ZNF254: variants seen among roughly 807,000 people sequenced by gnomAD.
ZNF254 encodes CTD-2017D11.1.
ZNF254 carries 10 observed loss-of-function variants against 12.4 expected under a neutral mutation model. The ratio of observed to expected loss-of-function variants is 0.80; its 90% CI spans 0.50 to 1.36. The LOEUF (loss-of-function observed/expected upper bound fraction) is 1.36. Ranked by LOEUF, ZNF254 falls within the 40% of genes most tolerant of loss-of-function variation. The probability of loss-of-function intolerance (pLI) is 0.00; values close to 1 mark genes in which losing one functional copy is unlikely to be tolerated. For missense variants in ZNF254, 996 were observed against 763.9 expected, an observed-to-expected ratio of 1.30 and a Z score of -3.58; for synonymous variants, 305 against 253.4, an observed-to-expected ratio of 1.20 and a Z score of -1.93.
rs1412508783 is a variant in ZNF254 at position 24,126,362 on chromosome 19, A to G, written c.362A>G (p.Gln121Arg). 3.7e-6 allele frequency: 6 copies of G among 1,609,492 alleles called. No individual in the cohort carries two copies. In the African/African-American group the frequency reaches 4.0e-5, roughly 11 times the overall value. Reference sequence around the variant, plus strand: ...GGAAAATATGGACATGAGAATTTACAGTTAAGAAAAGGCTGTAAAAGTGTG... The same window carrying G: ...GGAAAATATGGACATGAGAATTTACGGTTAAGAAAAGGCTGTAAAAGTGTG... The part of the protein sequence containing the change: ...RYGKYGHENL[Q>R]LRKGCKSVDE... Residue 121 changes from glutamine (Q) to arginine (R), a missense_variant, in exon 4 of 4, where the codon CAG (glutamine) becomes CGG (arginine). Gln to Arg is a conservative substitution (Grantham distance 43, BLOSUM62 1). Coordinates refer to ENST00000357002, the MANE Select transcript of ZNF254 (RefSeq NM_203282.4).
At chr19:24,117,812 G>A (rs2145924149) in intron 3 of ZNF254, among the ~76,000 whole-genome samples, 1 of 151,974 alleles carries the variant, frequency 6.6e-6, no homozygotes, top group Non-Finnish European at 1.5e-5. Flanking sequence ...CTGTAGACCG[G>A]AGCTGTTCGT....
At chr19:24,057,955 T>C (rs1453314034) in intron 2 of ZNF254, among the ~76,000 whole-genome samples, 1 of 152,232 alleles carries the variant, frequency 6.6e-6, no homozygotes, top group East Asian at 1.9e-4. Flanking sequence ...CACTTCTGTC[T>C]AGCAGCTGAG....
Position 24,113,796 on chromosome 19 carries a change from A to C in ZNF254, c.253+7153A>C, listed in dbSNP as rs1259866376. Among the ~76,000 whole-genome samples, 6 of 152,328 alleles carry C rather than the reference A, an allele frequency of 3.9e-5. No individual in the cohort carries two copies. In the East Asian group the frequency reaches 1.2e-3, roughly 29 times the overall value. On this transcript the variant is annotated intron_variant, in intron 3 of 3. Coordinates refer to ENST00000357002, the MANE Select transcript of ZNF254 (RefSeq NM_203282.4). ...TATACCTAGAAAACCCCATTGTCTC[A>C]ACCCAAAATCTCCTTAAGCTGATAA...
chr19:24,101,476 T>G (rs1433824259), intron 1 of ZNF254, among the ~76,000 whole-genome samples: 1 of 152,198 alleles, frequency 6.6e-6, no homozygotes, highest in Admixed American at 6.5e-5. Flanking sequence ...AGGCTCCAGG[T>G]GTAAATAGAA....
intron 1 of ZNF254, among the ~76,000 whole-genome samples, chr19:24,095,054 AG>A (rs1479973105): frequency 4.6e-5 from 7 of 152,296 alleles, no homozygotes; most frequent in Non-Finnish European, 8.8e-5. Flanking sequence ...ATTATTTTAA[AG>A]TATGTACCTT....
rs1216995350 is a variant in ZNF254 at position 24,126,672 on chromosome 19, C to T, written c.672C>T (p.Thr224=). 2 of 1,613,158 alleles carry T rather than the reference C, an allele frequency of 1.2e-6. No homozygotes were observed. The highest frequency in any genetic ancestry group is 1.7e-6 in the Non-Finnish European group (2 of 1,179,706). ...GAAAAACCTTTAATTGGTCCTCAACCCTTACTAATCATAGGAAAATTTATA... is the reference window on the plus strand; with the variant it reads ...GAAAAACCTTTAATTGGTCCTCAACTCTTACTAATCATAGGAAAATTTATA... ...ECGKTFNWSS[T]LTNHRKIYTE... is the part of the protein sequence containing the mutation. The change falls in exon 4 of 4, where the codon ACC becomes ACT. Residue 224 remains threonine (T), a synonymous_variant. Coordinates refer to ENST00000357002, the MANE Select transcript of ZNF254 (RefSeq NM_203282.4).
upstream of ZNF254, among the ~76,000 whole-genome samples, chr19:24,085,407 G>T (rs2046966777): frequency 5.6e-3 from 12 of 2,154 alleles, no homozygotes; most frequent in South Asian, 0.023. Context: ...GTTTGTTAAG[G>T]GTATATATAT....
intron 1 of ZNF254, among the ~76,000 whole-genome samples, chr19:24,091,588 G>T (rs1329105462): frequency 6.6e-6 from 1 of 152,070 alleles, no homozygotes; most frequent in Non-Finnish European, 1.5e-5. Context: ...CAATTCCCAG[G>T]TTCAAGTGAT....
At chr19:24,074,593 C>T (rs1174353057) in intron 2 of ZNF254, among the ~76,000 whole-genome samples, 1 of 152,194 alleles carries the variant, frequency 6.6e-6, no homozygotes, top group Non-Finnish European at 1.5e-5. Context: ...CGTCATTCTT[C>T]TATCTGGCCC....
intron 3 of ZNF254, among the ~76,000 whole-genome samples, chr19:24,123,464 CTTTCT>C (rs1974622810): frequency 6.6e-6 from 1 of 152,076 alleles, no homozygotes; most frequent in East Asian, 1.9e-4. Context: ...TATTAACATT[CTTTCT>C]TGTTTTATTT....
At chr19:24,067,039 T>C (rs1971301573) in intron 2 of ZNF254, 1 of 152,216 alleles carries the variant, frequency 6.6e-6, no homozygotes, top group African/African-American at 2.4e-5. Flanking sequence ...AATTTTTTTC[T>C]TTTATTTCTT....
chr19:24,060,552 T>C (rs1036594472), intron 2 of ZNF254, among the ~76,000 whole-genome samples: 1 of 152,188 alleles, frequency 6.6e-6, no homozygotes, highest in Admixed American at 6.5e-5. Flanking sequence ...TTGCCAATAG[T>C]AGAGCTTGTG....
rs1010609127 is a variant in ZNF254, at chr19:24,106,001, A to G, written c.92A>G (p.Asp31Gly). 3 of 1,600,646 alleles carry G rather than the reference A, an allele frequency of 1.9e-6. No homozygotes were observed. The highest frequency in any genetic ancestry group is 2.7e-5 in the African/African-American group (2 of 74,628). Residue 31 changes from aspartate (D) to glycine (G), a missense_variant, in exon 2 of 4, where the codon GAC (aspartate) becomes GGC (glycine). Asp to Gly is a moderately conservative substitution (Grantham distance 94). Coordinates refer to ENST00000357002, the MANE Select transcript of ZNF254 (RefSeq NM_203282.4). ...EFSLEEWQHL[D>G]IAQQNLYRNV... is the part of the protein sequence containing the mutation. ...TCTCTGGAGGAGTGGCAACACCTGG[A>G]CATTGCACAGCAGAATTTATATAGA...
chr19:24,033,480 G>T lies in ZNF254; in HGVS notation c.-331G>T, dbSNP rs969046515. 3.2e-5 allele frequency: 6 copies of T among 189,258 alleles called. No homozygotes were observed. In the South Asian group the frequency reaches 3.5e-4, roughly 11 times the overall value. The allele number at this position is 189,258 out of a possible 1,614,324, so 11.7% of individuals were successfully genotyped here. ...GCCTTTGTCTCTCGCTCCCACCAGAGCTTGGAATCCGTCTCTGCTCTTCTG... is the reference window on the plus strand; with the variant it reads ...GCCTTTGTCTCTCGCTCCCACCAGATCTTGGAATCCGTCTCTGCTCTTCTG... On this transcript the variant is annotated 5_prime_UTR_variant, in exon 1 of 5. Coordinates refer to the ZNF254 transcript ENST00000613065.
intron 3 of ZNF254, among the ~76,000 whole-genome samples, chr19:24,122,640 T>G (rs1974559403): frequency 6.6e-6 from 1 of 152,204 alleles, no homozygotes; most frequent in Non-Finnish European, 1.5e-5. Flanking sequence ...CTCATTTCAT[T>G]TTACATAATG....
chr19:24,106,654 G>A lies in ZNF254; in HGVS notation c.253+11G>A, dbSNP rs1390157441. On this transcript the variant is annotated intron_variant, in intron 3 of 3. Transcript: ENST00000357002. ...TGGATGAACCCCCAGGTAGGTGAGA[G>A]TGAATACAACAGATGACATGGATGA... 3 of 1,572,914 alleles carry A rather than the reference G, an allele frequency of 1.9e-6. No homozygotes were observed. Among genetic ancestry groups the A allele is most frequent in the African/African-American group, 2.7e-5 (2 of 73,936 alleles).
chr19:24,049,214 A>ATT (rs66491625), intron 2 of ZNF254, among the ~76,000 whole-genome samples: 2,404 of 40,574 alleles, frequency 0.059, 137 homozygotes, highest in Non-Finnish European at 0.07. Context: ...ATATATATAT[A>ATT]TTTTTTTTTT....
At chr19:24,100,693 T>C (rs1972967959) in intron 1 of ZNF254, among the ~76,000 whole-genome samples, 1 of 152,056 alleles carries the variant, frequency 6.6e-6, no homozygotes, top group African/African-American at 2.4e-5. Context: ...TTTTTTTTTT[T>C]TTGCCTTCAC....
chr19:24,093,162 CTT>C (rs757785590), intron 1 of ZNF254, among the ~76,000 whole-genome samples: 1 of 151,832 alleles, frequency 6.6e-6, no homozygotes, highest in Admixed American at 6.6e-5. Context: ...TTCTTGTAAA[CTT>C]AAGATTTTTA....
Sources: gnomAD v4.1 joint callset for allele counts (sites outside exome capture counted in the v4.1 genomes callset) on GRCh38, gnomAD v4.1.1 for gene constraint, MANE v1.5 for transcripts, NCBI Gene and HGNC (gene_info 2026-07-23, HGNC 2026-07-21) for gene names.